The following RNLS variants were observed in gnomAD, a reference collection of about 807,000 sequenced individuals.
RNLS encodes the protein renalase.
In RNLS, 39 loss-of-function variants were observed where a neutral mutation model predicts 39.8. The observed-to-expected ratio is 0.98, with a 90% CI of 0.76 to 1.28. The LOEUF (loss-of-function observed/expected upper bound fraction) is 1.28, where lower values mean the gene tolerates loss of function less well. Among genes scored for constraint, RNLS ranks in the 50% most tolerant of loss-of-function variants. RNLS has a pLI of 0.00. For missense variants in RNLS, 410 were observed against 413.3 expected, an observed-to-expected ratio of 0.99 and a Z score of 0.07; for synonymous variants, 147 against 150.7, an observed-to-expected ratio of 0.98 and a Z score of 0.18.
intron 5 of RNLS, among the ~76,000 whole-genome samples, chr10:88,340,098 CA>C (rs1847825021): frequency 6.6e-6 from 1 of 152,202 alleles, no homozygotes; most frequent in African/African-American, 2.4e-5. Context: ...CAATATCTTG[CA>C]ATAATTCAGA....
At chr10:88,420,011 AAAATAAATAAATAAATAAATAAAT>A (rs57637078) in intron 4 of RNLS, among the ~76,000 whole-genome samples, 7 of 134,790 alleles carry the variant, frequency 5.2e-5, no homozygotes, top group Non-Finnish European at 9.5e-5. Context: ...ACTCCATCTC[AAAATAAATAAATAAATAAATAAAT>A]AAATAAATAA....
intron 4 of RNLS, among the ~76,000 whole-genome samples, chr10:88,415,498 G>A (rs1364574655): frequency 6.6e-6 from 1 of 151,930 alleles, no homozygotes; most frequent in African/African-American, 2.4e-5. Context: ...TCAACAAACT[G>A]GTCAATATAG....
chr10:88,466,906 A>AG (rs893041235), intron 4 of RNLS, among the ~76,000 whole-genome samples: 3 of 152,148 alleles, frequency 2.0e-5, no homozygotes, highest in African/African-American at 4.8e-5. Flanking sequence ...AAATAAAAAA[A>AG]CCTTCTTTTA....
the RNLS span, among the ~76,000 whole-genome samples, chr10:88,229,079 C>T: frequency 2.9e-3 from 449 of 152,314 alleles, 9 homozygotes; most frequent in East Asian, 0.023. Context: ...CTAAATTTCA[C>T]TTACATTACA....
intron 4 of RNLS, among the ~76,000 whole-genome samples, chr10:88,478,976 A>C (rs138980087): frequency 6.7e-6 from 1 of 149,928 alleles, no homozygotes; most frequent in East Asian, 2.0e-4. Flanking sequence ...TTTGAATCCT[A>C]GTTCTGTCAT....
In RNLS at chr10:88,455,765, G is replaced by A. The variant is rs530049141; in HGVS notation, c.527-93040C>T. Reference sequence around the variant, plus strand: ...TCCTCATGAGAAAAAACTGGGAACAGATAGTCAACACAGTATTTACATTTC... The same window carrying A: ...TCCTCATGAGAAAAAACTGGGAACAAATAGTCAACACAGTATTTACATTTC... On this transcript the variant is annotated intron_variant, in intron 4 of 6. Coordinates refer to ENST00000331772, the MANE Select transcript of RNLS (RefSeq NM_001031709.3). Among the ~76,000 whole-genome samples, 15 of 152,262 alleles carry A rather than the reference G, an allele frequency of 9.9e-5. No individual in the cohort carries two copies. In the East Asian group the frequency reaches 2.7e-3, roughly 27 times the overall value.
chr10:88,192,624 G>A, the RNLS span, among the ~76,000 whole-genome samples: 4 of 152,294 alleles, frequency 2.6e-5, no homozygotes, highest in Non-Finnish European at 2.9e-5. Context: ...ATGGTCTCAG[G>A]GACCCTGAAT....
intron 4 of RNLS, among the ~76,000 whole-genome samples, chr10:88,481,441 T>A (rs1844163744): frequency 6.6e-6 from 1 of 152,148 alleles, no homozygotes; most frequent in African/African-American, 2.4e-5. Context: ...CCATTTTAAT[T>A]CCTATATTGA....
the RNLS span, among the ~76,000 whole-genome samples, chr10:88,224,061 G>GA: frequency 6.6e-6 from 1 of 151,152 alleles, no homozygotes; most frequent in Non-Finnish European, 1.5e-5. Context: ...AAGGTAAGGA[G>GA]AGAAACAGAG....
chr10:88,268,363 C>T, the RNLS span, among the ~76,000 whole-genome samples: 2 of 152,094 alleles, frequency 1.3e-5, no homozygotes, highest in Non-Finnish European at 2.9e-5. Flanking sequence ...TTCCCGATGC[C>T]CTCCTCACCT....
At chr10:88,524,925 G>A (rs1406951800) in intron 4 of RNLS, among the ~76,000 whole-genome samples, 1 of 117,542 alleles carries the variant, frequency 8.5e-6, no homozygotes, top group Admixed American at 9.6e-5. Flanking sequence ...TAAACTCCAT[G>A]TATGCCATAT....
the RNLS span, among the ~76,000 whole-genome samples, chr10:88,204,372 G>A: frequency 1.2e-4 from 19 of 152,082 alleles, no homozygotes; most frequent in East Asian, 1.7e-3. Flanking sequence ...GGCAGCTTTC[G>A]TGTCTTGTAT....
intron 5 of RNLS, among the ~76,000 whole-genome samples, chr10:88,343,989 A>T (rs1045561721): frequency 1.3e-5 from 2 of 152,140 alleles, no homozygotes; most frequent in Non-Finnish European, 2.9e-5. Flanking sequence ...CACTTTCCCA[A>T]TACTCACCAG....
the RNLS span, among the ~76,000 whole-genome samples, chr10:88,243,492 T>C: frequency 2.0e-5 from 3 of 152,232 alleles, no homozygotes; most frequent in Non-Finnish European, 4.4e-5. Context: ...GAACCCTTTT[T>C]GCATTTCCCC....
At chr10:88,360,146 T>G (rs1269854806) in intron 5 of RNLS, among the ~76,000 whole-genome samples, 1 of 152,242 alleles carries the variant, frequency 6.6e-6, no homozygotes, top group Non-Finnish European at 1.5e-5. Context: ...TGACTCTACT[T>G]GAAGATAATG....
intron 4 of RNLS, among the ~76,000 whole-genome samples, chr10:88,527,928 C>A (rs555801648): frequency 6.7e-6 from 1 of 149,084 alleles, no homozygotes; most frequent in South Asian, 2.1e-4. Context: ...AAGGACACTA[C>A]AATAAAAATA....
At chr10:88,360,945 C>G (rs955045975) in intron 5 of RNLS, among the ~76,000 whole-genome samples, 2 of 152,214 alleles carry the variant, frequency 1.3e-5, no homozygotes, top group African/African-American at 4.8e-5. Flanking sequence ...TATTAGTCAA[C>G]TCAGGCTACC....
At chr10:88,335,000 C>T (rs987863877) in intron 5 of RNLS, among the ~76,000 whole-genome samples, 2 of 152,126 alleles carry the variant, frequency 1.3e-5, no homozygotes, top group African/African-American at 2.4e-5. Flanking sequence ...AAAATTTCAA[C>T]AACTTACATT....
intron 2 of RNLS, 104 bp from the exon 3 acceptor site, chr10:88,581,813 A>G: frequency 5.8e-6 from 4 of 688,320 alleles, no homozygotes. Flanking sequence ...ATTCAAAATC[A>G]AAATTAGATA....
Sources: allele counts gnomAD v4.1 joint callset (sites outside exome capture counted in the v4.1 genomes callset), GRCh38; gene constraint gnomAD v4.1.1; transcripts MANE v1.5; gene names NCBI Gene and HGNC (gene_info 2026-07-23, HGNC 2026-07-21).